The following RTTN variants were observed in gnomAD, a reference collection of about 807,000 sequenced individuals.
RTTN encodes rotatin.
A neutral mutation model predicts 269.2 loss-of-function variants in RTTN; 182 were observed. That is an observed-to-expected ratio of 0.68 (90% CI 0.60 to 0.76). The LOEUF (loss-of-function observed/expected upper bound fraction) is 0.76, where lower values mean the gene tolerates loss of function less well. Among genes scored for constraint, RTTN ranks in the 30% least tolerant of loss-of-function variants. RTTN has a pLI of 0.00. For missense variants in RTTN, 2,545 were observed against 2,608.6 expected (o/e 0.98, Z 0.53); for synonymous variants, 1,006 against 963.5 (o/e 1.04, Z -0.82).
Position 70,114,587 on chromosome 18 carries a change from G to T in RTTN, c.3541C>A (p.Leu1181Met). 6.2e-7 allele frequency: 1 copy of T among 1,612,718 alleles called. No homozygotes were observed. Among genetic ancestry groups the T allele is most frequent in the Non-Finnish European group, 8.5e-7 (1 of 1,179,360 alleles). Reference sequence around the variant, plus strand: ...TCTGTCAGAACCAAGAGGTCTAACAGTGGGTTTGCACTCTAAAAAATGAAA... The same window carrying T: ...TCTGTCAGAACCAAGAGGTCTAACATTGGGTTTGCACTCTAAAAAATGAAA... Reference protein sequence around the residue: ...ELLLRHSANPLLDLLVLTESQ... With the variant: ...ELLLRHSANPMLDLLVLTESQ... The change falls in exon 27 of 49, where the codon CTG becomes ATG. Residue 1181 changes from leucine to methionine, a missense_variant. Transcript: ENST00000640769.
intron 26 of RTTN, among the ~76,000 whole-genome samples, chr18:70,117,043 GT>G (rs2059619403): frequency 6.6e-6 from 1 of 152,032 alleles, no homozygotes; most frequent in Admixed American, 6.6e-5. Flanking sequence ...ATTACAATAT[GT>G]TTGTAATAAG....
intron 35 of RTTN, among the ~76,000 whole-genome samples, chr18:70,060,343 A>G (rs960606681): frequency 2.0e-5 from 3 of 152,244 alleles, no homozygotes; most frequent in African/African-American, 4.8e-5. Flanking sequence ...GTATTCAGAC[A>G]CTGAGAACAA....
intron 21 of RTTN, among the ~76,000 whole-genome samples, chr18:70,136,377 T>C (rs1054308328): frequency 2.6e-5 from 4 of 151,210 alleles, no homozygotes; most frequent in East Asian, 2.0e-4. Flanking sequence ...AAAAGTTCTA[T>C]ATGTTTCCAT....
In RTTN at chr18:70,145,712, G is replaced by A. The variant is rs2145756245; in HGVS notation, c.2381C>T (p.Pro794Leu). 1 of 1,613,368 alleles carries A rather than the reference G, an allele frequency of 6.2e-7. No individual in the cohort carries two copies. Among genetic ancestry groups the A allele is most frequent in the East Asian group, 2.2e-5 (1 of 44,862 alleles). ...TSEEGADTKR[P>L]LIDARVLSRV... The stretch of plus-strand genomic sequence containing the variant: ...GGAGAGAACTCTGGCGTCTATTAGA[G>A]GACGCTTTGTATCAGCCCCTTCTTC... Residue 794 changes from proline (P) to leucine (L), a missense_variant, in exon 18 of 49, where the codon CCT becomes CTT. Transcript: ENST00000640769.
Position 70,188,137 on chromosome 18 carries a change from C to G in RTTN, c.1276G>C (p.Asp426His). 6.2e-7 allele frequency: 1 copy of G among 1,607,828 alleles called. No individual in the cohort carries two copies. The highest frequency in any genetic ancestry group is 8.5e-7 in the Non-Finnish European group (1 of 1,174,572). ...TCTATACCAAAAAGGCTGCTGTCAT[C>G]CCAGATATCTGTTGAAATTGCTTCA... ...IGEAISTDIW[D>H]DSSLFGIDMK... The change falls in exon 10 of 49, where the codon GAT becomes CAT. Residue 426 changes from aspartate (D) to histidine (H), a missense_variant. Transcript: ENST00000640769.
In RTTN at chr18:70,190,722, G is replaced by A; in HGVS notation, c.1008-3C>T. 2 of 1,589,768 alleles carry A rather than the reference G, an allele frequency of 1.3e-6. No homozygotes were observed. Among genetic ancestry groups the A allele is most frequent in the Non-Finnish European group, 1.7e-6 (2 of 1,160,304 alleles). On this transcript the variant is annotated splice_polypyrimidine_tract_variant and splice_region_variant and intron_variant, in intron 8 of 48. Coordinates refer to ENST00000640769, the MANE Select transcript of RTTN (RefSeq NM_173630.4). Reference sequence around the variant, plus strand: ...CATGAGCATGACTACTACTTCCACTGCAAGATAAACAAATGATAAACCTTG... The same window carrying A: ...CATGAGCATGACTACTACTTCCACTACAAGATAAACAAATGATAAACCTTG...
At chr18:70,041,014 G>A (rs2057323702) in intron 40 of RTTN, among the ~76,000 whole-genome samples, 1 of 152,056 alleles carries the variant, frequency 6.6e-6, no homozygotes, top group African/African-American at 2.4e-5. Context: ...GAGGTCAGGA[G>A]TTCGAGACCA....
intron 40 of RTTN, among the ~76,000 whole-genome samples, chr18:70,045,160 T>G (rs887871056): frequency 6.6e-6 from 1 of 152,262 alleles, no homozygotes; most frequent in African/African-American, 2.4e-5. Flanking sequence ...TTTCAACATG[T>G]ATCCCCTATG....
intron 23 of RTTN, chr18:70,129,908 G>A (rs982618545): frequency 7.0e-6 from 1 of 143,504 alleles, no homozygotes; most frequent in Non-Finnish European, 1.5e-5. Flanking sequence ...AAATATATAA[G>A]GAACTCAAAC....
intron 27 of RTTN, among the ~76,000 whole-genome samples, chr18:70,113,847 C>T (rs1183886476): frequency 6.6e-6 from 1 of 152,046 alleles, no homozygotes; most frequent in Non-Finnish European, 1.5e-5. Context: ...GGCAAATCCA[C>T]AGACATAGAA....
chr18:70,134,444 C>T lies in RTTN; in HGVS notation c.2954+29G>A, dbSNP rs145360305. 315 of 1,513,446 alleles carry T rather than the reference C, an allele frequency of 2.1e-4. 4 individuals carry two copies. In the East Asian group the frequency reaches 7.0e-3, roughly 34 times the overall value. 93.8% of individuals were successfully genotyped at this position (1,513,446 alleles called of 1,614,324 possible). ...CTTTCTGTAACAACATTTCGTCCTT[C>T]AAGAAAATCAGAGAAATAAATCCTT... On this transcript the variant is annotated intron_variant, in intron 23 of 48. Coordinates refer to ENST00000640769, the MANE Select transcript of RTTN (RefSeq NM_173630.4).
Position 70,116,123 on chromosome 18 carries a change from A to C in RTTN, c.3529-1524T>G, listed in dbSNP as rs1300684673. On this transcript the variant is annotated intron_variant, in intron 26 of 48. Transcript: ENST00000640769. Reference sequence around the variant, plus strand: ...ATTTAGTAAATCATAAAAATAAATAAATTTTCTATAATGTTCTGAGCCCTA... The same window carrying C: ...ATTTAGTAAATCATAAAAATAAATACATTTTCTATAATGTTCTGAGCCCTA... Among the ~76,000 whole-genome samples the C allele has an allele frequency of 2.0e-5, 3 of 151,932 alleles. No homozygotes were observed. In the East Asian group the frequency reaches 5.8e-4, roughly 29 times the overall value.
In RTTN at chr18:70,176,667, T is replaced by C; in HGVS notation, c.1476+8A>G. On this transcript the variant is annotated splice_region_variant and intron_variant, in intron 11 of 48. Coordinates refer to ENST00000640769, the MANE Select transcript of RTTN (RefSeq NM_173630.4). ...TAAAGTACAAATGAGCAGCATTGCC[T>C]GCCTTACCTTTTCAACAGGGAGAAG... is the stretch of plus-strand genomic sequence containing the variant. The C allele has an allele frequency of 6.2e-7, 1 of 1,609,928 alleles. No individual in the cohort carries two copies. Among genetic ancestry groups the C allele is most frequent in the Non-Finnish European group, 8.5e-7 (1 of 1,177,926 alleles).
At chr18:70,159,431 G>A (rs933291402) in intron 14 of RTTN, among the ~76,000 whole-genome samples, 1 of 152,112 alleles carries the variant, frequency 6.6e-6, no homozygotes, top group African/African-American at 2.4e-5. Context: ...TTAGAACACA[G>A]CTAAGGCAGT....
Position 70,201,881 on chromosome 18 carries a change from G to T in RTTN, c.487+13C>A. ...CCCAAGTCAACAGGATTTACTTCCC[G>T]ACATATACACACCCACTGGTCGTGG... On this transcript the variant is annotated intron_variant, in intron 4 of 48. Transcript: ENST00000640769. 1 of 1,544,006 alleles carries T rather than the reference G, an allele frequency of 6.5e-7. No homozygotes were observed. Among genetic ancestry groups the T allele is most frequent in the Non-Finnish European group, 8.9e-7 (1 of 1,122,372 alleles).
chr18:70,017,310 T>C, intron 46 of RTTN, 97 bp downstream of exon 46: 3 of 1,226,602 alleles, frequency 2.4e-6, no homozygotes, highest in Non-Finnish European at 3.4e-6. Context: ...GGGTGCTTAA[T>C]AAATGCCTAG....
intron 40 of RTTN, among the ~76,000 whole-genome samples, 163 bp downstream of exon 40, chr18:70,047,808 T>C (rs968896898): frequency 1.3e-5 from 2 of 152,236 alleles, no homozygotes; most frequent in African/African-American, 2.4e-5. Flanking sequence ...AAGGAGGAGA[T>C]AGTTAATTTA....
chr18:70,103,375 GA>G (rs2059229535), intron 28 of RTTN, among the ~76,000 whole-genome samples: 1 of 152,102 alleles, frequency 6.6e-6, no homozygotes, highest in Non-Finnish European at 1.5e-5. Context: ...TGTGTAGAAA[GA>G]AGTAGACATA....
At chr18:70,205,465 T>A in intron 1 of RTTN, 150 bp from the exon 2 acceptor site, 1 of 1,366,822 alleles carries the variant, frequency 7.3e-7, no homozygotes, top group East Asian at 2.3e-5. Context: ...ACCGCGAAGT[T>A]TACACAAAGT....
Sources: gnomAD v4.1 joint callset for allele counts (sites outside exome capture counted in the v4.1 genomes callset) on GRCh38, gnomAD v4.1.1 for gene constraint, MANE v1.5 for transcripts, NCBI Gene and HGNC (gene_info 2026-07-23, HGNC 2026-07-21) for gene names.